Variants in PLPP1 observed in about 807,000 individuals in gnomAD.
PLPP1 encodes the protein phospholipid phosphatase 1, also known as lipid phosphate phosphohydrolase 1a.
A neutral mutation model predicts 31.2 loss-of-function variants in PLPP1; 24 were observed. The observed-to-expected ratio is 0.77, with a 90% CI of 0.56 to 1.08. The LOEUF is 1.08. PLPP1 is among the 50% of genes least tolerant of loss of function. The pLI is 0.00. For synonymous variants in PLPP1, 146 were observed against 126.3 expected (o/e 1.16, Z -1.05); for missense variants, 319 against 342.7 (o/e 0.93, Z 0.55).
intron 2 of PLPP1, among the ~76,000 whole-genome samples, chr5:55,473,654 G>C (rs1752469598): frequency 6.6e-6 from 1 of 151,628 alleles, no homozygotes; most frequent in Non-Finnish European, 1.5e-5. Flanking sequence ...AAAAAAATCT[G>C]TGTGTGTGTG....
chr5:55,486,336 G>C (rs981194013), intron 1 of PLPP1, among the ~76,000 whole-genome samples: 1 of 152,130 alleles, frequency 6.6e-6, no homozygotes. Flanking sequence ...TGTAATCTCA[G>C]CACTTTGGGA....
At chr5:55,432,668 A>ATAC (rs1561220845) in intron 4 of PLPP1, among the ~76,000 whole-genome samples, 3 of 151,690 alleles carry the variant, frequency 2.0e-5, no homozygotes, top group South Asian at 2.1e-4. Flanking sequence ...CATCAAAAAG[A>ATAC]TATGCCACGA....
chr5:55,508,015 G>A (rs977477120), intron 1 of PLPP1, among the ~76,000 whole-genome samples: 6 of 152,092 alleles, frequency 3.9e-5, no homozygotes, highest in African/African-American at 1.4e-4. Flanking sequence ...GTGCCACCAT[G>A]CCTGGCTAAT....
intron 1 of PLPP1, among the ~76,000 whole-genome samples, chr5:55,515,146 T>C (rs924812987): frequency 6.6e-6 from 1 of 152,240 alleles, no homozygotes; most frequent in Non-Finnish European, 1.5e-5. Context: ...CCAGACTCTT[T>C]CCGCTATACT....
At chr5:55,447,831 G>A (rs975945421) in intron 3 of PLPP1, among the ~76,000 whole-genome samples, 7 of 152,156 alleles carry the variant, frequency 4.6e-5, no homozygotes, top group African/African-American at 9.7e-5. Context: ...ACAGGGTCTC[G>A]CTCTGTCACT....
chr5:55,461,842 A>T (rs1198360184), intron 3 of PLPP1, among the ~76,000 whole-genome samples: 3 of 152,040 alleles, frequency 2.0e-5, no homozygotes, highest in Non-Finnish European at 2.9e-5. Flanking sequence ...CTATAAAATC[A>T]CTCCAACTAA....
chr5:55,460,232 G>A (rs1319870133), intron 3 of PLPP1, among the ~76,000 whole-genome samples: 3 of 152,026 alleles, frequency 2.0e-5, no homozygotes, highest in Non-Finnish European at 4.4e-5. Flanking sequence ...TTGTGACACA[G>A]CTAGTGATCT....
At chr5:55,486,240 C>G (rs1752772010) in intron 1 of PLPP1, among the ~76,000 whole-genome samples, 1 of 152,000 alleles carries the variant, frequency 6.6e-6, no homozygotes, top group African/African-American at 2.4e-5. Flanking sequence ...CTAGTCATGC[C>G]CTTTCCCCAT....
At chr5:55,477,569 T>C (rs1381179950) in intron 1 of PLPP1, among the ~76,000 whole-genome samples, 1 of 151,916 alleles carries the variant, frequency 6.6e-6, no homozygotes, top group Non-Finnish European at 1.5e-5. Context: ...AATTTTTGTA[T>C]TTTTAATAGA....
intron 4 of PLPP1, among the ~76,000 whole-genome samples, chr5:55,432,834 G>A (rs1170603246): frequency 6.0e-5 from 9 of 149,702 alleles, no homozygotes; most frequent in African/African-American, 2.2e-4. Flanking sequence ...CAGGAACTAC[G>A]CATGAAGGGG....
rs1438124850 is a variant in PLPP1 at position 55,491,243 on chromosome 5, C to T, written c.59-15793G>A. On this transcript the variant is annotated intron_variant, in intron 1 of 5. Coordinates refer to ENST00000307259, the MANE Select transcript of PLPP1 (RefSeq NM_003711.4). ...TCTCTGGAGATGGATCTCCATTATA[C>T]CCAAGGGCAAAGATTAAGGAAATCA... 4 of 909,718 alleles carry T rather than the reference C, an allele frequency of 4.4e-6. No homozygotes were observed. In the African/African-American group the frequency reaches 5.0e-5, roughly 11 times the overall value. 56.4% of individuals were successfully genotyped at this position (909,718 alleles called of 1,614,324 possible). A position where few individuals can be genotyped will look rare whatever the true frequency, so the allele number is the denominator to read the frequency against.
At chr5:55,526,502 G>A (rs1740436570) in intron 1 of PLPP1, among the ~76,000 whole-genome samples, 1 of 152,108 alleles carries the variant, frequency 6.6e-6, no homozygotes, top group East Asian at 1.9e-4. Context: ...GAATATGCCA[G>A]TTTGACAAAT....
At chr5:55,490,980 C>T (rs1306273526) in intron 1 of PLPP1, 3 of 1,611,882 alleles carry the variant, frequency 1.9e-6, no homozygotes, top group South Asian at 2.2e-5. Flanking sequence ...GGCAAGCCAA[C>T]CCCCACTAGG....
At chr5:55,427,512 A>T (rs945371395) in intron 4 of PLPP1, among the ~76,000 whole-genome samples, 1 of 152,134 alleles carries the variant, frequency 6.6e-6, no homozygotes, top group Non-Finnish European at 1.5e-5. Context: ...AAAAATAGCA[A>T]CTCTAGAATG....
chr5:55,496,594 T>C (rs1753008111), intron 1 of PLPP1, among the ~76,000 whole-genome samples: 1 of 152,216 alleles, frequency 6.6e-6, no homozygotes, highest in South Asian at 2.1e-4. Context: ...TGAATACTTG[T>C]TTCATTTAAT....
chr5:55,430,628 G>A lies in PLPP1; in HGVS notation c.550-4589C>T, dbSNP rs190880561. On this transcript the variant is annotated intron_variant, in intron 4 of 5. Transcript: ENST00000307259. Reference sequence around the variant, plus strand: ...AGGCAAATTCAAAAAATTGGAAGAAGTGACTGTTAAACCAGATGTACAGAT... The same window carrying A: ...AGGCAAATTCAAAAAATTGGAAGAAATGACTGTTAAACCAGATGTACAGAT... Among the ~76,000 whole-genome samples the A allele has an allele frequency of 1.2e-3, 178 of 152,308 alleles. 2 individuals are homozygous for A. The highest frequency in any genetic ancestry group is 5.6e-3 in the South Asian group (27 of 4,830).
chr5:55,470,660 C>T (rs2111795853), intron 2 of PLPP1, among the ~76,000 whole-genome samples: 1 of 152,176 alleles, frequency 6.6e-6, no homozygotes, highest in Middle Eastern at 3.4e-3. Flanking sequence ...GAATTAAATG[C>T]AGAGATGTGT....
chr5:55,534,656 G>A lies in PLPP1; in HGVS notation c.-27C>T. 1 of 1,532,378 alleles carries A rather than the reference G, an allele frequency of 6.5e-7. No individual in the cohort carries two copies. Among genetic ancestry groups the A allele is most frequent in the Admixed American group, 2.0e-5 (1 of 49,926 alleles). 94.9% of individuals were successfully genotyped at this position (1,532,378 alleles called of 1,614,324 possible). A position where few individuals can be genotyped will look rare whatever the true frequency, so the allele number is the denominator to read the frequency against. On this transcript the variant is annotated 5_prime_UTR_variant, in exon 1 of 6. Coordinates refer to ENST00000307259, the MANE Select transcript of PLPP1 (RefSeq NM_003711.4). ...GTCTCTGCCCGGGCTGCCCGGCAAG[G>A]GCGATGGACTGAGCTGCGGGACGGC...
intron 3 of PLPP1, among the ~76,000 whole-genome samples, chr5:55,446,715 C>T (rs1751773545): frequency 6.6e-6 from 1 of 152,112 alleles, no homozygotes; most frequent in Non-Finnish European, 1.5e-5. Flanking sequence ...AGCTTTTTTT[C>T]CTTTTCCTTC....
Sources: allele counts gnomAD v4.1 joint callset (sites outside exome capture counted in the v4.1 genomes callset), GRCh38; gene constraint gnomAD v4.1.1; transcripts MANE v1.5; gene names NCBI Gene and HGNC (gene_info 2026-07-23, HGNC 2026-07-21).